LYN: variants seen among roughly 807,000 people sequenced by gnomAD.
LYN encodes the protein tyrosine-protein kinase Lyn.
LYN carries 12 observed loss-of-function variants against 65.0 expected under a neutral mutation model. The ratio of observed to expected loss-of-function variants is 0.18; its 90% CI spans 0.12 to 0.30. The LOEUF is 0.30. LYN is among the 10% of genes least tolerant of loss of function. LYN has a pLI of 1.00. For missense variants in LYN, 380 were observed against 623.2 expected (o/e 0.61, Z 4.16); for synonymous variants, 222 against 221.2 (o/e 1.00, Z -0.03).
intron 10 of LYN, among the ~76,000 whole-genome samples, chr8:55,975,520 C>A (rs150581197): frequency 3.3e-4 from 50 of 152,304 alleles, no homozygotes; most frequent in African/African-American, 1.2e-3. Context: ...TGAGGCTATG[C>A]AGATGACATT....
Position 56,010,729 on chromosome 8 carries a change from C to CCATGCCA in LYN, c.*619_*620insCATGCCA, listed in dbSNP as rs1808791485. On this transcript the variant is annotated 3_prime_UTR_variant, in exon 13 of 13. Transcript: ENST00000519728. ...CTTCTATGAACACTGCTCAGACCTG[C>CCATGCCA]TAGACATGCCATAGGAGTGGCGTGC... 4.3e-6 allele frequency: 1 copy of CCATGCCA among 230,586 alleles called. No individual in the cohort carries two copies. Among genetic ancestry groups the CCATGCCA allele is most frequent in the Non-Finnish European group, 8.6e-6 (1 of 116,540 alleles). 14.3% of individuals were successfully genotyped at this position (230,586 alleles called of 1,614,324 possible).
At chr8:55,945,592 T>C (rs1806751071) in intron 2 of LYN, among the ~76,000 whole-genome samples, 4 of 152,238 alleles carry the variant, frequency 2.6e-5, no homozygotes, top group Admixed American at 2.6e-4. Context: ...TGACTTGTGG[T>C]ATAGGCCTCT....
intron 1 of LYN, among the ~76,000 whole-genome samples, chr8:55,919,917 T>TG (rs147443978): frequency 0.066 from 7,367 of 112,266 alleles, 569 homozygotes; most frequent in African/African-American, 0.21. Flanking sequence ...GCGGGGGGAG[T>TG]GGGGGTGGGA....
At chr8:55,913,502 G>A (rs1299678315) in intron 1 of LYN, among the ~76,000 whole-genome samples, 1 of 152,174 alleles carries the variant, frequency 6.6e-6, no homozygotes, top group Non-Finnish European at 1.5e-5. Flanking sequence ...TTAAAGTTGT[G>A]CTTGCTGAAT....
chr8:55,987,495 G>A (rs1175376627), intron 10 of LYN, among the ~76,000 whole-genome samples: 2 of 152,090 alleles, frequency 1.3e-5, no homozygotes, highest in African/African-American at 4.8e-5. Flanking sequence ...CAGTGGTGCA[G>A]TCTTGTCTTG....
At position 55,879,930 on chromosome 8, in the gene LYN, C is replaced by T. The variant is rs1039153206; in HGVS notation, c.-179C>T. The T allele has an allele frequency of 1.5e-5, 3 of 200,634 alleles. No individual in the cohort carries two copies. The highest frequency in any genetic ancestry group is 2.4e-5 in the African/African-American group (1 of 41,844). The allele number at this position is 200,634 out of a possible 1,614,324, so 12.4% of individuals were successfully genotyped here. A position where few individuals can be genotyped will look rare whatever the true frequency, so the allele number is the denominator to read the frequency against. On this transcript the variant is annotated 5_prime_UTR_variant, in exon 1 of 13. Coordinates refer to ENST00000519728, the MANE Select transcript of LYN (RefSeq NM_002350.4). ...GCTGCAGCCTCCAGCCCGCGGCAAG[C>T]GGGGCGGCCGCGCCACCCCCGGCCC... is the stretch of plus-strand genomic sequence containing the variant.
chr8:55,962,295 G>T (rs1807308410), intron 8 of LYN, among the ~76,000 whole-genome samples: 2 of 152,174 alleles, frequency 1.3e-5, no homozygotes, highest in South Asian at 4.1e-4. Flanking sequence ...ATGCATCCAT[G>T]CTTTTGGGTG....
intron 10 of LYN, among the ~76,000 whole-genome samples, chr8:55,983,974 T>TGAAC (rs1261090310): frequency 1.3e-5 from 2 of 152,166 alleles, no homozygotes; most frequent in East Asian, 3.8e-4. Flanking sequence ...TCCAGGTTCT[T>TGAAC]GGGAAGAATC....
At position 56,010,889 on chromosome 8, in the gene LYN, G is replaced by A. The variant is rs1585691485; in HGVS notation, c.*779G>A. ...CTCAGAAACTGCTCTGTGTTTAGAA[G>A]GAATATTTTTAAGAGTCCAGCTTTT... On this transcript the variant is annotated 3_prime_UTR_variant, in exon 13 of 13. Coordinates refer to ENST00000519728, the MANE Select transcript of LYN (RefSeq NM_002350.4). 4 of 229,934 alleles carry A rather than the reference G, an allele frequency of 1.7e-5. No homozygotes were observed. The East Asian group carries it at 2.5e-4, about 14-fold the overall frequency. The allele number at this position is 229,934 out of a possible 1,614,324, so 14.2% of individuals were successfully genotyped here. A position where few individuals can be genotyped will look rare whatever the true frequency, so the allele number is the denominator to read the frequency against.
intron 1 of LYN, chr8:55,902,667 A>G (rs1585578019): frequency 2.5e-6 from 1 of 401,650 alleles, no homozygotes. Flanking sequence ...TATTACTTAA[A>G]TGTTATTTTG....
intron 3 of LYN, among the ~76,000 whole-genome samples, chr8:55,947,303 A>T (rs995598700): frequency 6.6e-6 from 1 of 152,226 alleles, no homozygotes; most frequent in Non-Finnish European, 1.5e-5. Context: ...CCATCAATAG[A>T]TGTTTGCATT....
At chr8:55,882,580 C>T (rs1804681882) in intron 1 of LYN, among the ~76,000 whole-genome samples, 1 of 152,220 alleles carries the variant, frequency 6.6e-6, no homozygotes, top group African/African-American at 2.4e-5. Context: ...TGAGTGTTAA[C>T]ATTGAAAGGC....
At chr8:55,952,708 T>C (rs1428432210) in intron 7 of LYN, among the ~76,000 whole-genome samples, 1 of 152,190 alleles carries the variant, frequency 6.6e-6, no homozygotes, top group Non-Finnish European at 1.5e-5. Context: ...AAGAGAAAAA[T>C]ATATATTGTC....
intron 1 of LYN, among the ~76,000 whole-genome samples, chr8:55,941,063 C>G (rs1280658348): frequency 1.3e-5 from 2 of 152,162 alleles, no homozygotes; most frequent in Non-Finnish European, 2.9e-5. Flanking sequence ...CAATTCATTT[C>G]CAGTCTTGAT....
At chr8:55,999,600 C>T (rs1808461652) in intron 12 of LYN, 51 bp downstream of exon 12, 1 of 1,572,490 alleles carries the variant, frequency 6.4e-7, no homozygotes, top group Non-Finnish European at 8.7e-7. Context: ...GAGAAAAAGT[C>T]AGGTTGCATG....
chr8:55,883,588 A>C (rs1804705748), intron 1 of LYN, among the ~76,000 whole-genome samples: 1 of 152,334 alleles, frequency 6.6e-6, no homozygotes, highest in East Asian at 1.9e-4. Flanking sequence ...GTACCTGAGT[A>C]ATACTTTGCA....
chr8:55,896,131 G>A (rs1006519212), intron 1 of LYN, among the ~76,000 whole-genome samples: 2 of 151,852 alleles, frequency 1.3e-5, no homozygotes, highest in Admixed American at 6.6e-5. Context: ...TTAGCTAGAC[G>A]TGGTGGCATG....
At chr8:55,930,385 A>G (rs1403174284) in intron 1 of LYN, among the ~76,000 whole-genome samples, 1 of 152,208 alleles carries the variant, frequency 6.6e-6, no homozygotes, top group African/African-American at 2.4e-5. Context: ...ATACACTATT[A>G]TATGTATTTC....
intron 12 of LYN, among the ~76,000 whole-genome samples, chr8:56,006,980 C>T (rs537940641): frequency 2.0e-5 from 3 of 152,240 alleles, no homozygotes; most frequent in African/African-American, 4.8e-5. Flanking sequence ...CTTATCAAGT[C>T]GAATTCCCCA....
Sources: allele counts gnomAD v4.1 joint callset (sites outside exome capture counted in the v4.1 genomes callset), GRCh38; gene constraint gnomAD v4.1.1; transcripts MANE v1.5; gene names NCBI Gene and HGNC (gene_info 2026-07-23, HGNC 2026-07-21).